Variants in EFCAB6 observed in about 807,000 individuals in gnomAD.
EFCAB6 encodes EF-hand calcium-binding domain-containing protein 6.
Under a neutral mutation model 169.8 loss-of-function variants are expected in EFCAB6, and 156 were observed. The observed-to-expected ratio is 0.92, with a 90% confidence interval of 0.81 to 1.05. The LOEUF (loss-of-function observed/expected upper bound fraction) is 1.05. Among genes scored for constraint, EFCAB6 ranks in the 50% least tolerant of loss-of-function variants. The pLI, the probability that EFCAB6 is intolerant of heterozygous loss-of-function variation, is 0.00. For missense variants in EFCAB6, 1,800 were observed against 1,829.1 expected, an observed-to-expected ratio of 0.98 and a Z score of 0.29; for synonymous variants, 698 against 676.4, an observed-to-expected ratio of 1.03 and a Z score of -0.50.
intron 5 of EFCAB6, among the ~76,000 whole-genome samples, chr22:43,764,486 A>G (rs1221574289): frequency 6.6e-6 from 1 of 152,186 alleles, no homozygotes; most frequent in Non-Finnish European, 1.5e-5. Flanking sequence ...TACTGTGACT[A>G]GTGCTGCGAT....
chr22:43,559,765 G>C (rs1245189956), intron 26 of EFCAB6, among the ~76,000 whole-genome samples: 5 of 151,970 alleles, frequency 3.3e-5, no homozygotes, highest in Non-Finnish European at 2.9e-5. Context: ...CATAGGAACA[G>C]AAAAGGAGAC....
At chr22:43,729,049 G>A (rs2059841453) in intron 8 of EFCAB6, among the ~76,000 whole-genome samples, 1 of 152,150 alleles carries the variant, frequency 6.6e-6, no homozygotes, top group Admixed American at 6.6e-5. Context: ...GTGGTGGAAG[G>A]TGAACAGGGA....
chr22:43,600,435 A>C (rs535424681), intron 22 of EFCAB6, among the ~76,000 whole-genome samples, 172 bp from the exon 23 acceptor site: 2 of 152,262 alleles, frequency 1.3e-5, no homozygotes, highest in East Asian at 3.9e-4. Flanking sequence ...AGAGCTGGAA[A>C]TGCGTGAGTT....
At chr22:43,546,872 CA>C (rs550158459) in intron 27 of EFCAB6, among the ~76,000 whole-genome samples, 16,182 of 113,714 alleles carry the variant, frequency 0.14, 914 homozygotes, top group Middle Eastern at 0.23. Context: ...GACTCTGTCT[CA>C]AAAAAAAAAA....
intron 27 of EFCAB6, among the ~76,000 whole-genome samples, chr22:43,543,594 C>T (rs2047874142): frequency 6.6e-6 from 1 of 152,154 alleles, no homozygotes; most frequent in Admixed American, 6.5e-5. Context: ...GGCAGCGACC[C>T]CTTGGGCCCA....
intron 22 of EFCAB6, among the ~76,000 whole-genome samples, chr22:43,604,790 C>T (rs1465848004): frequency 6.6e-6 from 1 of 151,948 alleles, no homozygotes; most frequent in East Asian, 1.9e-4. Flanking sequence ...ATATATAACT[C>T]ACCTGCCATA....
chr22:43,782,295 T>C lies in EFCAB6; in HGVS notation c.24A>G (p.Pro8=), dbSNP rs1325527434. The C allele has an allele frequency of 1.4e-5, 23 of 1,613,580 alleles. No individual in the cohort carries two copies. The highest frequency in any genetic ancestry group is 1.9e-5 in the Non-Finnish European group (22 of 1,179,908). Residue 8 remains proline, a synonymous_variant, in exon 3 of 32, where the codon CCA becomes CCG. Transcript: ENST00000262726. The stretch of plus-strand genomic sequence containing the variant: ...TGTGAGGATGCGACCTAAGCCAGTC[T>C]GGTATAATCGCCATTTTGCACATTA... MCKMAII[P]DWLRSHPHTR... is the part of the protein sequence containing the mutation.
chr22:43,766,288 C>T (rs1003342113), intron 4 of EFCAB6, among the ~76,000 whole-genome samples: 1 of 152,136 alleles, frequency 6.6e-6, no homozygotes, highest in Non-Finnish European at 1.5e-5. Context: ...CTGCCTCAGC[C>T]TCCCAAAGTA....
intron 10 of EFCAB6, among the ~76,000 whole-genome samples, chr22:43,703,233 C>T (rs1393355247): frequency 6.6e-6 from 1 of 152,174 alleles, no homozygotes; most frequent in African/African-American, 2.4e-5. Context: ...GCTTGGCTGC[C>T]CCACCTGAAC....
At chr22:43,674,497 T>C (rs1007574817) in intron 13 of EFCAB6, among the ~76,000 whole-genome samples, 1 of 152,046 alleles carries the variant, frequency 6.6e-6, no homozygotes, top group Admixed American at 6.5e-5. Context: ...GAATCCCAGG[T>C]AGCAGATGCA....
intron 22 of EFCAB6, among the ~76,000 whole-genome samples, chr22:43,601,812 T>C (rs2052544602): frequency 6.6e-6 from 1 of 152,202 alleles, no homozygotes. Flanking sequence ...ACCACCACCC[T>C]TCCCAAAGGC....
In EFCAB6 at chr22:43,656,544, A is replaced by G. The variant is rs140304414; in HGVS notation, c.1983+10560T>C. ...GTGGACCATATACCACAGTGATGCC[A>G]TAAGATTATATCATATTTGTTCTGT... On this transcript the variant is annotated intron_variant, in intron 17 of 31. Transcript: ENST00000262726. Among the ~76,000 whole-genome samples, 621 of 152,326 alleles carry G rather than the reference A, an allele frequency of 4.1e-3. 6 individuals are homozygous for G. The highest frequency in any genetic ancestry group is 0.014 in the African/African-American group (587 of 41,562).
chr22:43,810,878 G>T (rs1351116222), intron 1 of EFCAB6, among the ~76,000 whole-genome samples: 1 of 152,000 alleles, frequency 6.6e-6, no homozygotes, highest in Non-Finnish European at 1.5e-5. Context: ...TAATCAAAGG[G>T]GCCATTTCTG....
At chr22:43,536,368 A>AT (rs2047383834) in intron 29 of EFCAB6, 1 of 152,194 alleles carries the variant, frequency 6.6e-6, no homozygotes, top group South Asian at 2.1e-4. Flanking sequence ...ACCTGGTTTC[A>AT]TTTGTGCATT....
intron 27 of EFCAB6, among the ~76,000 whole-genome samples, chr22:43,543,540 C>T (rs575994699): frequency 4.6e-5 from 7 of 152,318 alleles, no homozygotes; most frequent in African/African-American, 1.7e-4. Context: ...GGGAACCTCA[C>T]CCAGGCTCTG....
At chr22:43,691,980 T>TA (rs1398379857) in intron 10 of EFCAB6, among the ~76,000 whole-genome samples, 2 of 151,600 alleles carry the variant, frequency 1.3e-5, no homozygotes, top group African/African-American at 4.8e-5. Context: ...GAACATCAGT[T>TA]AAAAAAAATA....
chr22:43,607,750 GA>G (rs542271641), intron 22 of EFCAB6, among the ~76,000 whole-genome samples: 9 of 152,156 alleles, frequency 5.9e-5, no homozygotes, highest in Non-Finnish European at 1.3e-4. Flanking sequence ...GTGGACGTAC[GA>G]TGTTGGTATA....
At chr22:43,788,130 A>G (rs1318490423) in intron 2 of EFCAB6, among the ~76,000 whole-genome samples, 2 of 152,186 alleles carry the variant, frequency 1.3e-5, no homozygotes, top group Non-Finnish European at 2.9e-5. Flanking sequence ...CAGAATTCCT[A>G]GAAGAAAGCA....
chr22:43,790,279 C>T (rs1464828845), intron 2 of EFCAB6, among the ~76,000 whole-genome samples: 2 of 152,188 alleles, frequency 1.3e-5, no homozygotes, highest in Admixed American at 6.5e-5. Flanking sequence ...ATTAATTTAA[C>T]TGAATTGAAT....
Sources: allele counts gnomAD v4.1 joint callset (sites outside exome capture counted in the v4.1 genomes callset), GRCh38; gene constraint gnomAD v4.1.1; transcripts MANE v1.5; gene names NCBI Gene and HGNC (gene_info 2026-07-23, HGNC 2026-07-21).